Variants in ZFYVE27 observed in about 807,000 individuals in gnomAD.
ZFYVE27 encodes the protein zinc finger FYVE-type containing 27.
In ZFYVE27, 36 loss-of-function variants were observed where a neutral mutation model predicts 52.8. The ratio of observed to expected loss-of-function variants is 0.68; its 90% CI spans 0.52 to 0.90. The LOEUF (loss-of-function observed/expected upper bound fraction) is 0.90. ZFYVE27 is among the 40% of genes least tolerant of loss of function. The pLI is 0.00. For missense variants in ZFYVE27, 450 were observed against 527.2 expected, an observed-to-expected ratio of 0.85 and a Z score of 1.43; for synonymous variants, 223 against 215.6, an observed-to-expected ratio of 1.03 and a Z score of -0.30.
In ZFYVE27 at chr10:97,744,752, C is replaced by T. The variant is rs372079099; in HGVS notation, c.292C>T (p.Leu98=). ...AGGTGCATGGTACTCAGTAGGTGCC[C>T]TGATGATTTCAGTGCCCGCCCTGCT... ...NEGAWYSVGA[L]MISVPALLGY... is the part of the protein sequence containing the mutation. Residue 98 remains leucine (L), a synonymous_variant, in exon 4 of 13, where the codon CTG becomes TTG. Transcript: ENST00000684270. 13 of 1,613,900 alleles carry T rather than the reference C, an allele frequency of 8.1e-6. No homozygotes were observed. In the South Asian group the frequency reaches 1.4e-4, roughly 18 times the overall value.
In ZFYVE27 at chr10:97,749,566, G is replaced by A. The variant is rs540665491; in HGVS notation, c.644G>A (p.Gly215Glu). The stretch of plus-strand genomic sequence containing the variant: ...CTTTTAAACAGCACGCTCTTTCTGG[G>A]GAATGTGGAGTTCTTCCGAGGTAAG... ...LTLLNSTLFL[G>E]NVEFFRVVSE... is the part of the protein sequence containing the mutation. The change falls in exon 6 of 13, where the codon GGG becomes GAG. Residue 215 changes from glycine to glutamate, a missense_variant. Transcript: ENST00000684270. 3 of 1,614,156 alleles carry A rather than the reference G, an allele frequency of 1.9e-6. No individual in the cohort carries two copies. The highest frequency in any genetic ancestry group is 1.1e-5 in the South Asian group (1 of 91,088).
intron 5 of ZFYVE27, among the ~76,000 whole-genome samples, chr10:97,749,262 T>C (rs2046296142): frequency 6.6e-6 from 1 of 152,196 alleles, no homozygotes. Flanking sequence ...TGACACCACT[T>C]TGGCCTCACC....
At chr10:97,745,765 G>A (rs151180067) in intron 4 of ZFYVE27, among the ~76,000 whole-genome samples, 130 of 152,288 alleles carry the variant, frequency 8.5e-4, no homozygotes, top group African/African-American at 2.9e-3. Context: ...ACATGACAGA[G>A]CTGGTACTTC....
chr10:97,759,369 C>A lies in ZFYVE27; in HGVS notation c.*69C>A, dbSNP rs2049186331. 4 of 1,547,980 alleles carry A rather than the reference C, an allele frequency of 2.6e-6. No individual in the cohort carries two copies. Among genetic ancestry groups the A allele is most frequent in the Non-Finnish European group, 3.6e-6 (4 of 1,120,888 alleles). ...GCAGTAGACCCCCCACTCTCCCCAC[C>A]CCTGGCCCACTGTGGTGTGTGCTGG... is the stretch of plus-strand genomic sequence containing the variant. On this transcript the variant is annotated 3_prime_UTR_variant, in exon 13 of 13. Transcript: ENST00000684270.
chr10:97,748,049 T>G (rs11591898), intron 4 of ZFYVE27, among the ~76,000 whole-genome samples: 3 of 152,018 alleles, frequency 2.0e-5, no homozygotes, highest in African/African-American at 7.3e-5. Context: ...TTATACTGTT[T>G]CCACCTCAGC....
chr10:97,747,663 T>C (rs934045461), intron 4 of ZFYVE27, among the ~76,000 whole-genome samples: 4 of 152,208 alleles, frequency 2.6e-5, no homozygotes, highest in Admixed American at 2.0e-4. Context: ...CTTGTTTGCA[T>C]TGGTCCCTGT....
intron 7 of ZFYVE27, among the ~76,000 whole-genome samples, 169 bp from the exon 8 acceptor site, chr10:97,751,222 C>A (rs1308755538): frequency 6.6e-6 from 1 of 152,216 alleles, no homozygotes; most frequent in African/African-American, 2.4e-5. Flanking sequence ...CCATCTCCCC[C>A]GCCCTGCCAG....
intron 9 of ZFYVE27, 75 bp downstream of exon 9, chr10:97,752,952 T>G: frequency 6.2e-7 from 1 of 1,612,172 alleles, no homozygotes; most frequent in Non-Finnish European, 8.5e-7. Context: ...CCACACCTCG[T>G]GGGGGCTGCC....
Position 97,760,018 on chromosome 10 carries a change from A to T in ZFYVE27, c.*718A>T, listed in dbSNP as rs1050208653. On this transcript the variant is annotated 3_prime_UTR_variant, in exon 13 of 13. Coordinates refer to ENST00000684270, the MANE Select transcript of ZFYVE27 (RefSeq NM_001385875.1). Reference sequence around the variant, plus strand: ...CTCGGCCTCCCCTCGAAGACACCTCAATTCACAGACTCTCAGCCCACACAA... The same window carrying T: ...CTCGGCCTCCCCTCGAAGACACCTCTATTCACAGACTCTCAGCCCACACAA... The T allele has an allele frequency of 6.5e-6, 1 of 154,280 alleles. No homozygotes were observed. The highest frequency in any genetic ancestry group is 1.4e-5 in the Non-Finnish European group (1 of 69,342). 9.6% of individuals were successfully genotyped at this position (154,280 alleles called of 1,614,324 possible).
chr10:97,739,234 TAA>T (rs773578612), intron 2 of ZFYVE27, among the ~76,000 whole-genome samples: 3 of 138,902 alleles, frequency 2.2e-5, no homozygotes, highest in Admixed American at 7.2e-5. Context: ...CCTGGCTAAT[TAA>T]AAAAAAAAAA....
chr10:97,746,694 T>C (rs2045530716), intron 4 of ZFYVE27, among the ~76,000 whole-genome samples: 1 of 151,702 alleles, frequency 6.6e-6, no homozygotes, highest in South Asian at 2.1e-4. Context: ...TTTCTTTTTT[T>C]TTTTTTACTT....
intron 7 of ZFYVE27, among the ~76,000 whole-genome samples, 179 bp from the exon 8 acceptor site, chr10:97,751,212 C>T (rs1008646020): frequency 6.6e-6 from 1 of 152,110 alleles, no homozygotes; most frequent in African/African-American, 2.4e-5. Flanking sequence ...GCTCGTGTTT[C>T]CATCTCCCCC....
chr10:97,744,016 G>T (rs1260809114), intron 3 of ZFYVE27, among the ~76,000 whole-genome samples: 1 of 152,178 alleles, frequency 6.6e-6, no homozygotes, highest in Non-Finnish European at 1.5e-5. Flanking sequence ...TGGAGATAGG[G>T]ATTGAGTAGG....
chr10:97,745,175 T>G (rs867007650), intron 4 of ZFYVE27, among the ~76,000 whole-genome samples: 4 of 140,938 alleles, frequency 2.8e-5, no homozygotes, highest in South Asian at 2.1e-4. Flanking sequence ...GCTTCTGTTC[T>G]TTCTTTCTTT....
At chr10:97,751,295 T>C (rs2046926778) in intron 7 of ZFYVE27, 96 bp from the exon 8 acceptor site, 1 of 1,386,374 alleles carries the variant, frequency 7.2e-7, no homozygotes, top group Non-Finnish European at 1.0e-6. Context: ...TCGTGGTGTT[T>C]TGGGTAGCCT....
Position 97,738,492 on chromosome 10 carries a change from A to G in ZFYVE27, c.15A>G (p.Glu5=). The G allele has an allele frequency of 6.2e-7, 1 of 1,614,118 alleles. No homozygotes were observed. Among genetic ancestry groups the G allele is most frequent in the Non-Finnish European group, 8.5e-7 (1 of 1,180,036 alleles). MQTS[E]REGSGPELSP... is the part of the protein sequence containing the mutation. ...ATGGTTACAGGATGCAGACATCAGA[A>G]CGTGAGGGGAGTGGGCCGGAGCTGA... Residue 5 remains glutamate, a synonymous_variant, in exon 2 of 13, where the codon GAA becomes GAG. Coordinates refer to ENST00000684270, the MANE Select transcript of ZFYVE27 (RefSeq NM_001385875.1).
chr10:97,740,056 C>T (rs1027076886), intron 2 of ZFYVE27, among the ~76,000 whole-genome samples: 7 of 152,084 alleles, frequency 4.6e-5, no homozygotes, highest in Non-Finnish European at 1.0e-4. Flanking sequence ...TATGTGTCTG[C>T]ACATGTGTGT....
chr10:97,747,542 G>A lies in ZFYVE27; in HGVS notation c.456-727G>A, dbSNP rs542326038. 2.6e-5 allele frequency among the ~76,000 whole-genome samples: 4 copies of A among 152,236 alleles called. No individual in the cohort carries two copies. In the South Asian group the frequency reaches 8.3e-4, roughly 32 times the overall value. ...AGCTCTTTCTTACTATTATCAGTAT[G>A]AACTCATAGATTTATATTTTATTTG... On this transcript the variant is annotated intron_variant, in intron 4 of 12. Coordinates refer to ENST00000684270, the MANE Select transcript of ZFYVE27 (RefSeq NM_001385875.1).
At chr10:97,749,642 A>G (rs905078685) in intron 6 of ZFYVE27, 56 bp downstream of exon 6, 1 of 1,393,264 alleles carries the variant, frequency 7.2e-7, no homozygotes, top group African/African-American at 1.4e-5. Context: ...GGGCTAGGCT[A>G]GGCTCCCCAG....
Sources: gnomAD v4.1 joint callset for allele counts (sites outside exome capture counted in the v4.1 genomes callset) on GRCh38, gnomAD v4.1.1 for gene constraint, MANE v1.5 for transcripts, NCBI Gene and HGNC (gene_info 2026-07-23, HGNC 2026-07-21) for gene names.